The following POU6F2 variants were observed in gnomAD, a reference collection of about 807,000 sequenced individuals.
POU6F2 encodes POU domain, class 6, transcription factor 2.
A neutral mutation model predicts 71.3 loss-of-function variants in POU6F2; 31 were observed. The observed-to-expected ratio is 0.43, with a 90% CI of 0.33 to 0.59. The LOEUF (loss-of-function observed/expected upper bound fraction) is 0.59. Ranked by LOEUF, POU6F2 falls within the 20% of genes least tolerant of loss-of-function variation. POU6F2 has a pLI of 0.04. For missense variants in POU6F2, 783 were observed against 856.8 expected (o/e 0.91, Z 1.07); for synonymous variants, 347 against 355.7 (o/e 0.98, Z 0.27).
intron 4 of POU6F2, among the ~76,000 whole-genome samples, chr7:39,285,141 C>G (rs1408973757): frequency 6.6e-6 from 1 of 152,210 alleles, no homozygotes; most frequent in African/African-American, 2.4e-5. Context: ...CTTCAGACTC[C>G]TAATCAACAA....
chr7:39,423,583 C>G (rs1034089687), intron 6 of POU6F2, among the ~76,000 whole-genome samples: 2 of 152,108 alleles, frequency 1.3e-5, no homozygotes, highest in Non-Finnish European at 2.9e-5. Flanking sequence ...GGGATTCTGC[C>G]AGTGAAAATG....
chr7:39,180,090 G>C (rs1293581054), intron 2 of POU6F2, among the ~76,000 whole-genome samples: 1 of 152,160 alleles, frequency 6.6e-6, no homozygotes, highest in Non-Finnish European at 1.5e-5. Context: ...AGTAAATTCT[G>C]AGCTGAGGTT....
chr7:39,029,896 C>T (rs770599649), intron 1 of POU6F2, among the ~76,000 whole-genome samples: 6 of 151,998 alleles, frequency 3.9e-5, no homozygotes, highest in Non-Finnish European at 8.8e-5. Context: ...GTGACTTGGT[C>T]ATGATGCATT....
At chr7:39,433,416 T>C (rs12112344) in intron 7 of POU6F2, 133 bp downstream of exon 7, 11,863 of 954,896 alleles carry the variant, frequency 0.012, 500 homozygotes, top group African/African-American at 0.1. Flanking sequence ...AACATATCGA[T>C]ACTTATAAAA....
At chr7:39,072,262 C>A (rs1454137939) in intron 1 of POU6F2, among the ~76,000 whole-genome samples, 11 of 152,116 alleles carry the variant, frequency 7.2e-5, no homozygotes, top group African/African-American at 2.4e-4. Context: ...TAAATTCCAG[C>A]CGTGGAGGAT....
chr7:39,191,382 G>A (rs968226356), intron 2 of POU6F2, among the ~76,000 whole-genome samples: 2 of 151,568 alleles, frequency 1.3e-5, no homozygotes, highest in African/African-American at 4.9e-5. Flanking sequence ...TTGTATTTAG[G>A]GTCATTGTCT....
At chr7:39,299,740 G>A (rs140706316) in intron 4 of POU6F2, among the ~76,000 whole-genome samples, 20 of 152,274 alleles carry the variant, frequency 1.3e-4, no homozygotes, top group Non-Finnish European at 2.5e-4. Context: ...GTTTCTGCAC[G>A]TGGGTCTTCA....
chr7:39,029,238 T>G (rs1789885547), intron 1 of POU6F2, among the ~76,000 whole-genome samples: 1 of 152,202 alleles, frequency 6.6e-6, no homozygotes. Flanking sequence ...ATACCAGCCA[T>G]CTTGCCAAAC....
intron 2 of POU6F2, among the ~76,000 whole-genome samples, chr7:39,185,822 T>A (rs903656871): frequency 5.2e-5 from 3 of 57,858 alleles, no homozygotes; most frequent in African/African-American, 2.0e-4. Flanking sequence ...TATGTATATG[T>A]ATATGTATAT....
intron 1 of POU6F2, among the ~76,000 whole-genome samples, chr7:39,044,204 G>A (rs867412280): frequency 3.3e-5 from 5 of 151,846 alleles, no homozygotes; most frequent in African/African-American, 1.2e-4. Flanking sequence ...TTTAAAGAAC[G>A]TATGGGGTCG....
At chr7:39,340,332 C>G (rs933771910) in intron 5 of POU6F2, among the ~76,000 whole-genome samples, 1 of 152,154 alleles carries the variant, frequency 6.6e-6, no homozygotes, top group Non-Finnish European at 1.5e-5. Context: ...TTTTTGAAGG[C>G]AGCAAAGATA....
At chr7:39,026,293 A>C (rs1789798384) in intron 1 of POU6F2, among the ~76,000 whole-genome samples, 1 of 151,934 alleles carries the variant, frequency 6.6e-6, no homozygotes, top group Non-Finnish European at 1.5e-5. Context: ...ATAAAGACAC[A>C]TGCACACGTA....
chr7:39,307,027 T>G (rs1785060131), intron 4 of POU6F2, among the ~76,000 whole-genome samples: 1 of 152,202 alleles, frequency 6.6e-6, no homozygotes, highest in South Asian at 2.1e-4. Context: ...ACTGAAGTGT[T>G]TGAGGACATT....
chr7:39,092,790 G>A (rs899843389), intron 2 of POU6F2, among the ~76,000 whole-genome samples: 1 of 152,150 alleles, frequency 6.6e-6, no homozygotes, highest in African/African-American at 2.4e-5. Context: ...CACTTTATGA[G>A]CTATCAAAAA....
At chr7:39,268,092 A>C (rs751446096) in intron 4 of POU6F2, among the ~76,000 whole-genome samples, 1 of 152,166 alleles carries the variant, frequency 6.6e-6, no homozygotes, top group African/African-American at 2.4e-5. Flanking sequence ...GACTTTGTCA[A>C]TTTCAGCCCC....
At chr7:39,457,414 A>G (rs768269927) in intron 8 of POU6F2, among the ~76,000 whole-genome samples, 4 of 152,200 alleles carry the variant, frequency 2.6e-5, no homozygotes, top group Non-Finnish European at 4.4e-5. Flanking sequence ...GCCACTTGCC[A>G]TAAGTAGTGA....
At chr7:39,012,825 G>C (rs1789338409) in intron 1 of POU6F2, among the ~76,000 whole-genome samples, 1 of 151,914 alleles carries the variant, frequency 6.6e-6, no homozygotes, top group Non-Finnish European at 1.5e-5. Context: ...GTGCCTCCCA[G>C]TTAGGCTGCT....
intron 1 of POU6F2, among the ~76,000 whole-genome samples, chr7:38,988,528 T>C (rs1788517296): frequency 6.6e-6 from 1 of 152,138 alleles, no homozygotes; most frequent in African/African-American, 2.4e-5. Flanking sequence ...TTGTAAACTT[T>C]CTTGAATGTC....
intron 2 of POU6F2, among the ~76,000 whole-genome samples, chr7:39,169,697 A>G (rs963170398): frequency 1.3e-5 from 2 of 152,216 alleles, no homozygotes; most frequent in Non-Finnish European, 2.9e-5. Flanking sequence ...ACTGATCTGT[A>G]GTAGCCCATA....
Sources: gnomAD v4.1 joint callset for allele counts (sites outside exome capture counted in the v4.1 genomes callset) on GRCh38, gnomAD v4.1.1 for gene constraint, MANE v1.5 for transcripts, NCBI Gene and HGNC (gene_info 2026-07-23, HGNC 2026-07-21) for gene names.